Variants in YIPF4 observed in about 807,000 individuals in gnomAD.
YIPF4 encodes the protein Yip1 domain family member 4, also known as protein YIPF4.
In YIPF4, 18 loss-of-function variants were observed where a neutral mutation model predicts 29.4. That is an observed-to-expected ratio of 0.61 (90% CI 0.42 to 0.91). YIPF4 has a LOEUF of 0.91. YIPF4 is among the 40% of genes least tolerant of loss of function. The pLI is 0.00. For missense variants in YIPF4, 279 were observed against 282.7 expected (o/e 0.99, Z 0.09); for synonymous variants, 115 against 104.7 (o/e 1.10, Z -0.60).
intron 2 of YIPF4, among the ~76,000 whole-genome samples, 178 bp from the exon 3 acceptor site, chr2:32,291,999 T>C (rs1042963306): frequency 4.6e-5 from 7 of 152,196 alleles, no homozygotes; most frequent in African/African-American, 1.7e-4. Context: ...TTTAGAGATA[T>C]TGGAATGTTA....
chr2:32,304,643 A>G (rs2031516309), intron 5 of YIPF4, among the ~76,000 whole-genome samples: 1 of 152,204 alleles, frequency 6.6e-6, no homozygotes, highest in Non-Finnish European at 1.5e-5. Flanking sequence ...CCTACAATGC[A>G]CAGGATAGCT....
In YIPF4 at chr2:32,311,754, C is replaced by G. The variant is rs1001675786; in HGVS notation, c.*6128C>G. The G allele has an allele frequency of 6.6e-6, 1 of 152,102 alleles. No individual in the cohort carries two copies. Among genetic ancestry groups the G allele is most frequent in the African/African-American group, 2.4e-5 (1 of 41,412 alleles). 9.4% of individuals were successfully genotyped at this position (152,102 alleles called of 1,614,324 possible). On this transcript the variant is annotated 3_prime_UTR_variant, in exon 6 of 6. Coordinates refer to ENST00000238831, the MANE Select transcript of YIPF4 (RefSeq NM_032312.4). Reference sequence around the variant, plus strand: ...CTTGGTTTTTCTGTAATATTTGCCACTGAGCAATTTTTATTAAAAACCAAA... The same window carrying G: ...CTTGGTTTTTCTGTAATATTTGCCAGTGAGCAATTTTTATTAAAAACCAAA...
chr2:32,301,239 G>A lies in YIPF4; in HGVS notation c.484-143G>A, dbSNP rs1003934566. 1.6e-5 allele frequency: 9 copies of A among 571,412 alleles called. No individual in the cohort carries two copies. In the East Asian group the frequency reaches 2.7e-4, roughly 17 times the overall value. The allele number at this position is 571,412 out of a possible 1,614,324, so 35.4% of individuals were successfully genotyped here. ...AACATGGGAGACTATATGATATTTTGAAATAATGAGTATAATAGTTTATGA... is the reference window on the plus strand; with the variant it reads ...AACATGGGAGACTATATGATATTTTAAAATAATGAGTATAATAGTTTATGA... On this transcript the variant is annotated intron_variant, in intron 4 of 5. Transcript: ENST00000238831.
At chr2:32,292,482 C>A in intron 3 of YIPF4, 134 bp downstream of exon 3, 1 of 675,816 alleles carries the variant, frequency 1.5e-6, no homozygotes, top group African/African-American at 1.9e-5. Flanking sequence ...CTTGTTCATC[C>A]CTAAAACCGT....
Position 32,316,285 on chromosome 2 carries a change from C to G in YIPF4, c.*10659C>G, listed in dbSNP as rs1248021273. 1 of 152,018 alleles carries G rather than the reference C, an allele frequency of 6.6e-6. No individual in the cohort carries two copies. The highest frequency in any genetic ancestry group is 1.5e-5 in the Non-Finnish European group (1 of 68,016). The allele number at this position is 152,018 out of a possible 1,614,324, so 9.4% of individuals were successfully genotyped here. On this transcript the variant is annotated 3_prime_UTR_variant, in exon 6 of 6. Coordinates refer to ENST00000238831, the MANE Select transcript of YIPF4 (RefSeq NM_032312.4). ...GTATGTAATATTAATATTTATAAAT[C>G]AATAAAATGGGCTAGGGATATAAAT...
chr2:32,305,491 G>T lies in YIPF4; in HGVS notation c.600G>T (p.Leu200=). 1 of 1,554,894 alleles carries T rather than the reference G, an allele frequency of 6.4e-7. No individual in the cohort carries two copies. The highest frequency in any genetic ancestry group is 2.3e-5 in the East Asian group (1 of 43,108). The change falls in exon 6 of 6, where the codon CTG becomes CTT. Residue 200 remains leucine, a splice_region_variant and synonymous_variant. Transcript: ENST00000238831. Reference sequence around the variant, plus strand: ...TGTCTTTTTTCCTTTTTTTAAAGCTGTTTGGTGTGTTTTGGGCTGCCTACA... The same window carrying T: ...TGTCTTTTTTCCTTTTTTTAAAGCTTTTTGGTGTGTTTTGGGCTGCCTACA... ...SFEVVSTLIK[L]FGVFWAAYSA...
At position 32,278,131 on chromosome 2, in the gene YIPF4, G is replaced by A; in HGVS notation, c.-25G>A. 2 of 1,542,568 alleles carry A rather than the reference G, an allele frequency of 1.3e-6. No homozygotes were observed. Among genetic ancestry groups the A allele is most frequent in the South Asian group, 2.4e-5 (2 of 83,584 alleles). On this transcript the variant is annotated 5_prime_UTR_variant, in exon 1 of 6. Transcript: ENST00000238831. ...GGGCCCAGCCGCAGCCTCTTCTACC[G>A]CGGCCGGTTGGGAGTCGCCGCGAGA...
At chr2:32,303,790 T>G (rs1462555203) in intron 5 of YIPF4, among the ~76,000 whole-genome samples, 1 of 152,246 alleles carries the variant, frequency 6.6e-6, no homozygotes, top group African/African-American at 2.4e-5. Context: ...AGCCTTTTTT[T>G]GAAATTGGCA....
rs979053451 is a variant in YIPF4 at position 32,311,068 on chromosome 2, A to G, written c.*5442A>G. On this transcript the variant is annotated 3_prime_UTR_variant, in exon 6 of 6. Coordinates refer to ENST00000238831, the MANE Select transcript of YIPF4 (RefSeq NM_032312.4). ...GACATTCCTACATTTTTGCACTACAATACATAAAAACTCCCATGCTGATCG... is the reference window on the plus strand; with the variant it reads ...GACATTCCTACATTTTTGCACTACAGTACATAAAAACTCCCATGCTGATCG... 1 of 151,780 alleles carries G rather than the reference A, an allele frequency of 6.6e-6. No homozygotes were observed. The highest frequency in any genetic ancestry group is 1.9e-4 in the East Asian group (1 of 5,158). The allele number at this position is 151,780 out of a possible 1,614,324, so 9.4% of individuals were successfully genotyped here. A position where few individuals can be genotyped will look rare whatever the true frequency, so the allele number is the denominator to read the frequency against.
At position 32,306,696 on chromosome 2, in the gene YIPF4, G is replaced by A; in HGVS notation, c.*1070G>A. On this transcript the variant is annotated 3_prime_UTR_variant, in exon 6 of 6. Transcript: ENST00000238831. ...AGAAATTTTTATCAGTGAAATATTT[G>A]TTGCAAATAATTTCATAGGTTTTTA... is the stretch of plus-strand genomic sequence containing the variant. The A allele has an allele frequency of 1.4e-6, 1 of 725,628 alleles. No individual in the cohort carries two copies. Among genetic ancestry groups the A allele is most frequent in the Non-Finnish European group, 1.7e-6 (1 of 593,002 alleles). 44.9% of individuals were successfully genotyped at this position (725,628 alleles called of 1,614,324 possible). A position where few individuals can be genotyped will look rare whatever the true frequency, so the allele number is the denominator to read the frequency against.
At chr2:32,293,450 C>G (rs977240859) in intron 3 of YIPF4, among the ~76,000 whole-genome samples, 1 of 152,242 alleles carries the variant, frequency 6.6e-6, no homozygotes, top group Non-Finnish European at 1.5e-5. Context: ...AAGAATTTTT[C>G]TTAGTACAGA....
chr2:32,294,824 G>A (rs1433341026), intron 3 of YIPF4, among the ~76,000 whole-genome samples: 3 of 152,238 alleles, frequency 2.0e-5, no homozygotes, highest in Non-Finnish European at 2.9e-5. Flanking sequence ...CGGCACCTCC[G>A]GAGGCCGAGG....
At position 32,306,196 on chromosome 2, in the gene YIPF4, G is replaced by A; in HGVS notation, c.*570G>A. 4.6e-6 allele frequency: 4 copies of A among 870,336 alleles called. No individual in the cohort carries two copies. Among genetic ancestry groups the A allele is most frequent in the African/African-American group, 1.8e-5 (1 of 54,832 alleles). The allele number at this position is 870,336 out of a possible 1,614,324, so 53.9% of individuals were successfully genotyped here. ...AAAATTTAAATTTGTTTTTAAAATT[G>A]TATATAGTTTTTAAAATCTCACACA... On this transcript the variant is annotated 3_prime_UTR_variant, in exon 6 of 6. Coordinates refer to ENST00000238831, the MANE Select transcript of YIPF4 (RefSeq NM_032312.4).
At position 32,305,496 on chromosome 2, in the gene YIPF4, G is replaced by C. The variant is rs772526123; in HGVS notation, c.605G>C (p.Gly202Ala). The C allele has an allele frequency of 1.3e-6, 2 of 1,562,264 alleles. No homozygotes were observed. The highest frequency in any genetic ancestry group is 2.5e-5 in the South Asian group (2 of 79,752). Reference protein sequence around the residue: ...EVVSTLIKLFGVFWAAYSAAS... With the variant: ...EVVSTLIKLFAVFWAAYSAAS... ...TTTTTCCTTTTTTTAAAGCTGTTTG[G>C]TGTGTTTTGGGCTGCCTACAGTGCT... Residue 202 changes from glycine (G) to alanine (A), a missense_variant, in exon 6 of 6, where the codon GGT becomes GCT. Coordinates refer to ENST00000238831, the MANE Select transcript of YIPF4 (RefSeq NM_032312.4).
At chr2:32,284,064 C>A (rs950345887) in intron 1 of YIPF4, among the ~76,000 whole-genome samples, 1 of 151,992 alleles carries the variant, frequency 6.6e-6, no homozygotes, top group Non-Finnish European at 1.5e-5. Flanking sequence ...TATTGTTTGC[C>A]CTTCCATCAA....
At chr2:32,299,268 A>T (rs769168698) in intron 4 of YIPF4, among the ~76,000 whole-genome samples, 1 of 152,238 alleles carries the variant, frequency 6.6e-6, no homozygotes, top group East Asian at 1.9e-4. Context: ...TAAACAATAC[A>T]TTTAAAGAAA....
chr2:32,278,084 C>T lies in YIPF4; in HGVS notation c.-72C>T, dbSNP rs556468196. On this transcript the variant is annotated 5_prime_UTR_variant, in exon 1 of 6. Transcript: ENST00000238831. ...ACCGTAGGGCGAGCGTGCGGGTCGC[C>T]GCCGCGGCCGCCTCGGGGTCTGGGC... 33 of 1,390,608 alleles carry T rather than the reference C, an allele frequency of 2.4e-5. No individual in the cohort carries two copies. The African/African-American group carries it at 4.4e-4, about 18-fold the overall frequency. 86.1% of individuals were successfully genotyped at this position (1,390,608 alleles called of 1,614,324 possible). A position where few individuals can be genotyped will look rare whatever the true frequency, so the allele number is the denominator to read the frequency against.
At chr2:32,303,445 C>T (rs192258045) in intron 5 of YIPF4, among the ~76,000 whole-genome samples, 8 of 152,276 alleles carry the variant, frequency 5.3e-5, no homozygotes, top group Admixed American at 5.2e-4. Context: ...TGGTGGCTTA[C>T]TGTTGTAAAT....
At chr2:32,293,965 G>A (rs1205256237) in intron 3 of YIPF4, among the ~76,000 whole-genome samples, 5 of 147,878 alleles carry the variant, frequency 3.4e-5, no homozygotes, top group Non-Finnish European at 6.0e-5. Flanking sequence ...CCTCCCTCCC[G>A]GACGGGGCGG....
Sources: gnomAD v4.1 joint callset for allele counts (sites outside exome capture counted in the v4.1 genomes callset) on GRCh38, gnomAD v4.1.1 for gene constraint, MANE v1.5 for transcripts, NCBI Gene and HGNC (gene_info 2026-07-23, HGNC 2026-07-21) for gene names.